Variants in DISP1 observed in about 807,000 individuals in gnomAD.
The protein encoded by DISP1 is protein dispatched homolog 1.
DISP1 carries 30 observed loss-of-function variants against 37.3 expected under a neutral mutation model. That is an observed-to-expected ratio of 0.80 (90% CI 0.60 to 1.09). The LOEUF (loss-of-function observed/expected upper bound fraction) is 1.09. Among genes scored for constraint, DISP1 ranks in the 50% least tolerant of loss-of-function variants. DISP1 has a pLI of 0.00. For synonymous variants in DISP1, 634 were observed against 690.2 expected (o/e 0.92, Z 1.28); for missense variants, 1,598 against 1,879.5 (o/e 0.85, Z 2.77).
chr1:222,897,747 A>G (rs148123198), intron 1 of DISP1, among the ~76,000 whole-genome samples: 150 of 152,262 alleles, frequency 9.9e-4, no homozygotes, highest in African/African-American at 3.5e-3. Context: ...CTTAACATCT[A>G]TCACTTTCAC....
At chr1:222,867,735 T>A (rs1420117980) in intron 1 of DISP1, among the ~76,000 whole-genome samples, 1 of 152,200 alleles carries the variant, frequency 6.6e-6, no homozygotes, top group African/African-American at 2.4e-5. Flanking sequence ...TGGTTCTCTG[T>A]CAGGTGTATC....
chr1:222,969,209 A>G (rs1282477812), intron 3 of DISP1, among the ~76,000 whole-genome samples: 1 of 151,736 alleles, frequency 6.6e-6, no homozygotes, highest in Admixed American at 6.6e-5. Context: ...CATCTCTAGT[A>G]AAAATACAAA....
chr1:222,847,256 G>A (rs1667964901), intron 1 of DISP1, among the ~76,000 whole-genome samples: 1 of 152,100 alleles, frequency 6.6e-6, no homozygotes. Flanking sequence ...CTTAAATTCT[G>A]TCATAATAAG....
At chr1:222,825,499 C>CTCTT (rs1664121392) in intron 1 of DISP1, among the ~76,000 whole-genome samples, 1 of 131,820 alleles carries the variant, frequency 7.6e-6, no homozygotes. Flanking sequence ...ACCTGTTTCT[C>CTCTT]TTTTTTTTTT....
chr1:222,941,263 ATGTT>A (rs1674368766), intron 2 of DISP1, among the ~76,000 whole-genome samples: 1 of 152,066 alleles, frequency 6.6e-6, no homozygotes, highest in Admixed American at 6.6e-5. Flanking sequence ...TTTACAGTGG[ATGTT>A]TGTTTAACAC....
chr1:222,894,202 C>T (rs552634251), intron 1 of DISP1, among the ~76,000 whole-genome samples: 17 of 152,288 alleles, frequency 1.1e-4, no homozygotes, highest in South Asian at 2.1e-4. Context: ...ACTGACAGCC[C>T]GGTCCCCAGG....
intron 3 of DISP1, among the ~76,000 whole-genome samples, chr1:222,962,091 G>C (rs955331789): frequency 1.3e-5 from 2 of 152,118 alleles, no homozygotes; most frequent in African/African-American, 4.8e-5. Context: ...CAAAGTCTCA[G>C]CATACAAAAT....
At chr1:222,964,995 A>T (rs970926528) in intron 3 of DISP1, among the ~76,000 whole-genome samples, 11 of 151,664 alleles carry the variant, frequency 7.3e-5, no homozygotes, top group African/African-American at 2.7e-4. Flanking sequence ...TCCCAAGCAC[A>T]CTTCCTTCAG....
At position 222,934,393 on chromosome 1, in the gene DISP1, T is replaced by C. The variant is rs142972827; in HGVS notation, c.-18+5823T>C. Among the ~76,000 whole-genome samples, 111 of 152,122 alleles carry C rather than the reference T, an allele frequency of 7.3e-4. 2 individuals are homozygous for C. The highest frequency in any genetic ancestry group is 2.6e-3 in the African/African-American group (108 of 41,532). Reference sequence around the variant, plus strand: ...TTTAATAGCCCTTTGAAGGGAAAAATATTTGTAGAGACAATACTTGCCTGA... The same window carrying C: ...TTTAATAGCCCTTTGAAGGGAAAAACATTTGTAGAGACAATACTTGCCTGA... On this transcript the variant is annotated intron_variant, in intron 2 of 8. Transcript: ENST00000675850.
At chr1:222,886,342 A>C (rs541205510) in intron 1 of DISP1, among the ~76,000 whole-genome samples, 1 of 152,362 alleles carries the variant, frequency 6.6e-6, no homozygotes, top group South Asian at 2.1e-4. Flanking sequence ...GTTAGTTTGC[A>C]CTAGTTTCAT....
chr1:222,874,032 A>G (rs1186752141), intron 1 of DISP1, among the ~76,000 whole-genome samples: 4 of 152,158 alleles, frequency 2.6e-5, no homozygotes, highest in African/African-American at 4.8e-5. Context: ...TTCACTTATG[A>G]AACTTAGTTT....
intron 1 of DISP1, among the ~76,000 whole-genome samples, chr1:222,886,303 T>C (rs1246243801): frequency 6.6e-6 from 1 of 152,212 alleles, no homozygotes; most frequent in Non-Finnish European, 1.5e-5. Context: ...TAGGCAATAA[T>C]ACCAATGATA....
chr1:222,820,247 A>G (rs1038574026), intron 1 of DISP1, among the ~76,000 whole-genome samples: 1 of 152,208 alleles, frequency 6.6e-6, no homozygotes, highest in African/African-American at 2.4e-5. Context: ...ATTCAGTTAC[A>G]TTAGGGGAAG....
At chr1:222,997,468 C>T (rs2889945) in intron 8 of DISP1, among the ~76,000 whole-genome samples, 3 of 151,984 alleles carry the variant, frequency 2.0e-5, no homozygotes, top group South Asian at 2.1e-4. Context: ...TTTTTAACAG[C>T]GTGCTTAGAA....
In DISP1 at chr1:223,002,662, A is replaced by G. The variant is rs768929196; in HGVS notation, c.1265A>G (p.Asn422Ser). Residue 422 changes from asparagine to serine, a missense_variant, in exon 9 of 9, where the codon AAT (asparagine) becomes AGT (serine). Physicochemically the swap from Asn to Ser is conservative, Grantham distance 46. Transcript: ENST00000675850. ...GTGCCACGCAAATGTACCAAGTACA[A>G]TGCTGTGTACCAGATCCTCCATTAC... The part of the protein sequence containing the change: ...TNVPRKCTKY[N>S]AVYQILHYLV... 8.1e-6 allele frequency: 13 copies of G among 1,614,106 alleles called. No homozygotes were observed. The highest frequency in any genetic ancestry group is 1.6e-4 in the Middle Eastern group (1 of 6,084).
intron 2 of DISP1, among the ~76,000 whole-genome samples, chr1:222,930,468 T>C (rs1271746286): frequency 6.6e-6 from 1 of 152,092 alleles, no homozygotes; most frequent in Non-Finnish European, 1.5e-5. Flanking sequence ...GAGAAGGTGG[T>C]GGCTTTTTGT....
intron 1 of DISP1, among the ~76,000 whole-genome samples, chr1:222,829,593 C>T (rs1344188584): frequency 6.6e-6 from 1 of 152,006 alleles, no homozygotes; most frequent in Non-Finnish European, 1.5e-5. Flanking sequence ...GCGTGCACCA[C>T]CATGCCTGGC....
At chr1:222,864,747 A>G (rs1458557006) in intron 1 of DISP1, among the ~76,000 whole-genome samples, 4 of 152,164 alleles carry the variant, frequency 2.6e-5, no homozygotes, top group Admixed American at 2.6e-4. Flanking sequence ...CTTCATTTGA[A>G]TTCTCTTCCT....
intron 1 of DISP1, among the ~76,000 whole-genome samples, chr1:222,855,045 C>T (rs1408788795): frequency 6.6e-6 from 1 of 152,118 alleles, no homozygotes; most frequent in Non-Finnish European, 1.5e-5. Flanking sequence ...TCCCCACATC[C>T]TTTAACTAAG....
Sources: gnomAD v4.1 joint callset for allele counts (sites outside exome capture counted in the v4.1 genomes callset) on GRCh38, gnomAD v4.1.1 for gene constraint, MANE v1.5 for transcripts, NCBI Gene and HGNC (gene_info 2026-07-23, HGNC 2026-07-21) for gene names.